TM4SF20: variants seen among roughly 807,000 people sequenced by gnomAD.
TM4SF20 encodes the protein transmembrane 4 L six family member 20.
TM4SF20 carries 13 observed loss-of-function variants against 15.1 expected under a neutral mutation model. The ratio of observed to expected loss-of-function variants is 0.86; its 90% CI spans 0.56 to 1.36. The LOEUF (loss-of-function observed/expected upper bound fraction) is 1.36. Ranked by LOEUF, TM4SF20 falls within the 40% of genes most tolerant of loss-of-function variation. The probability of loss-of-function intolerance (pLI) is 0.00; values close to 1 mark genes in which losing one functional copy is unlikely to be tolerated. For missense variants in TM4SF20, 282 were observed against 268.4 expected, an observed-to-expected ratio of 1.05 and a Z score of -0.35; for synonymous variants, 92 against 96.6, an observed-to-expected ratio of 0.95 and a Z score of 0.28.
At position 227,366,161 on chromosome 2, in the gene TM4SF20, T is replaced by A. The variant is rs763771185; in HGVS notation, c.333A>T (p.Lys111Asn). ...TTGGAGAATTACACATGAGAGGACCTTTTAAGAGAGCCTGGATGGATATCA... is the reference window on the plus strand; with the variant it reads ...TTGGAGAATTACACATGAGAGGACCATTTAAGAGAGCCTGGATGGATATCA... The part of the protein sequence containing the change: ...CMLISIQALL[K>N]GPLMCNSPSN... The change falls in exon 3 of 4, where the codon AAA (lysine) becomes AAT (asparagine). Residue 111 changes from lysine (K) to asparagine (N), a missense_variant. By Grantham distance (94) the Lys-to-Asn change is moderately conservative (BLOSUM62 0). Transcript: ENST00000304568. 26 of 1,613,758 alleles carry A rather than the reference T, an allele frequency of 1.6e-5. No homozygotes were observed. The South Asian group carries it at 2.0e-4, about 12-fold the overall frequency.
At chr2:227,368,065 C>T (rs1490250486) in intron 2 of TM4SF20, among the ~76,000 whole-genome samples, 1 of 145,640 alleles carries the variant, frequency 6.9e-6, no homozygotes, top group East Asian at 2.0e-4. Context: ...GCTGTGTCGC[C>T]CAGGCTGGAG....
chr2:227,381,358 A>C (rs192522483), upstream of TM4SF20, among the ~76,000 whole-genome samples: 11 of 152,212 alleles, frequency 7.2e-5, no homozygotes, highest in Admixed American at 7.2e-4. Flanking sequence ...CTGGGTTGAG[A>C]GACAGGAGAC....
intron 1 of TM4SF20, among the ~76,000 whole-genome samples, chr2:227,375,780 T>A (rs74501942): frequency 1.3e-5 from 2 of 151,976 alleles, no homozygotes; most frequent in Non-Finnish European, 2.9e-5. Flanking sequence ...TGAGCCACCG[T>A]GCCTGGCCAG....
chr2:227,362,934 C>G lies in TM4SF20; in HGVS notation c.*790G>C, dbSNP rs371474625. On this transcript the variant is annotated 3_prime_UTR_variant, in exon 4 of 4. Coordinates refer to ENST00000304568, the MANE Select transcript of TM4SF20 (RefSeq NM_024795.4). ...TTTAGCTGAAACATGCCTCTATTCT[C>G]TTAATCTATAACAGTTCCCTCAAAA... 1 of 152,160 alleles carries G rather than the reference C, an allele frequency of 6.6e-6. No homozygotes were observed. Among genetic ancestry groups the G allele is most frequent in the African/African-American group, 2.4e-5 (1 of 41,428 alleles). 9.4% of individuals were successfully genotyped at this position (152,160 alleles called of 1,614,324 possible). A position where few individuals can be genotyped will look rare whatever the true frequency, so the allele number is the denominator to read the frequency against.
intron 1 of TM4SF20, among the ~76,000 whole-genome samples, chr2:227,378,670 A>G (rs61129162): frequency 0.13 from 19,028 of 152,114 alleles, 1,258 homozygotes; most frequent in Middle Eastern, 0.17. Flanking sequence ...ATACATGGGA[A>G]TGTTTCTACT....
intron 1 of TM4SF20, among the ~76,000 whole-genome samples, chr2:227,377,414 A>C (rs1239829785): frequency 6.6e-6 from 1 of 152,240 alleles, no homozygotes; most frequent in African/African-American, 2.4e-5. Context: ...AGCCTGGAAG[A>C]GAGCATTCAT....
At chr2:227,377,547 G>T (rs1348939314) in intron 1 of TM4SF20, among the ~76,000 whole-genome samples, 1 of 152,158 alleles carries the variant, frequency 6.6e-6, no homozygotes, top group Non-Finnish European at 1.5e-5. Flanking sequence ...TAAATCTGGG[G>T]ATAATACCAG....
rs377150597 is a variant in TM4SF20 at position 227,379,135 on chromosome 2, A to G, written c.134T>C (p.Ile45Thr). ...TGGGAACCACCACTCAAAGCAAGAG[A>G]TGGGGTTTTGAGAAAATTGGTCTTC... ...VEEDQFSQNP[I>T]SCFEWWFPGI... Residue 45 changes from isoleucine (I) to threonine (T), a missense_variant, in exon 1 of 4, where the codon ATC (isoleucine) becomes ACC (threonine). Coordinates refer to ENST00000304568, the MANE Select transcript of TM4SF20 (RefSeq NM_024795.4). 1.1e-5 allele frequency: 18 copies of G among 1,614,038 alleles called. No homozygotes were observed. The highest frequency in any genetic ancestry group is 1.5e-5 in the Non-Finnish European group (18 of 1,180,050).
At chr2:227,379,861 A>G (rs1372812843), upstream of TM4SF20, among the ~76,000 whole-genome samples, 1 of 152,250 alleles carries the variant, frequency 6.6e-6, no homozygotes, top group Non-Finnish European at 1.5e-5. Context: ...CCAGACTGAA[A>G]GATAGCAATA....
chr2:227,368,337 A>T (rs541648043), intron 2 of TM4SF20, among the ~76,000 whole-genome samples: 65 of 122,986 alleles, frequency 5.3e-4, no homozygotes, highest in African/African-American at 2.0e-3. Context: ...TCTATTATTT[A>T]TATATATATA....
intron 1 of TM4SF20, among the ~76,000 whole-genome samples, chr2:227,378,413 T>C (rs1459152176): frequency 1.3e-5 from 2 of 152,222 alleles, no homozygotes; most frequent in Non-Finnish European, 2.9e-5. Flanking sequence ...GGGTGATTCA[T>C]GTCAGTTATA....
At chr2:227,366,931 A>G (rs1247931338) in intron 2 of TM4SF20, among the ~76,000 whole-genome samples, 1 of 151,922 alleles carries the variant, frequency 6.6e-6, no homozygotes, top group Non-Finnish European at 1.5e-5. Flanking sequence ...CTTGGCTCGC[A>G]AGCGTTTGGC....
At chr2:227,370,881 A>C (rs1222111904) in intron 2 of TM4SF20, 34 bp downstream of exon 2, 11 of 1,596,664 alleles carry the variant, frequency 6.9e-6, no homozygotes, top group Non-Finnish European at 8.6e-6. Context: ...CTGTTCATGC[A>C]CTTCTGCTTC....
At chr2:227,375,642 A>G (rs2076445440) in intron 1 of TM4SF20, among the ~76,000 whole-genome samples, 1 of 133,770 alleles carries the variant, frequency 7.5e-6, no homozygotes, top group Non-Finnish European at 1.7e-5. Flanking sequence ...GGAGCCCACC[A>G]CCAAGCCTGG....
In TM4SF20 at chr2:227,366,206, A is replaced by G; in HGVS notation, c.288T>C (p.Ile96=). The G allele has an allele frequency of 1.2e-6, 2 of 1,613,606 alleles. No homozygotes were observed. The highest frequency in any genetic ancestry group is 1.7e-6 in the Non-Finnish European group (2 of 1,179,864). ...ATATCAGCATGCAATACAGAGCACC[A>G]ATGACTGTGATCACACTGAAAAGTG... ...LSSLFSVITV[I]GALYCMLISI... Residue 96 remains isoleucine (I), a synonymous_variant, in exon 3 of 4, where the codon ATT becomes ATC. Coordinates refer to ENST00000304568, the MANE Select transcript of TM4SF20 (RefSeq NM_024795.4).
In TM4SF20 at chr2:227,370,951, T is replaced by C. The variant is rs1288568923; in HGVS notation, c.213A>G (p.Thr71=). 1.4e-5 allele frequency: 22 copies of C among 1,614,066 alleles called. 1 individual carries two copies. The South Asian group carries it at 2.4e-4, about 18-fold the overall frequency. The change falls in exon 2 of 4, where the codon ACA becomes ACG. Residue 71 remains threonine (T), a synonymous_variant. Transcript: ENST00000304568. The stretch of plus-strand genomic sequence containing the variant: ...TGTTGCAGCACGCTCTTTTTCTTGC[T>C]GTCAAGGACATTGTTGTTGCTGGAA... ...MAIPATTMSL[T]ARKRACCNNR...
chr2:227,381,091 A>G (rs2076477878), upstream of TM4SF20, among the ~76,000 whole-genome samples: 1 of 152,160 alleles, frequency 6.6e-6, no homozygotes, highest in South Asian at 2.1e-4. Context: ...CCTGGCCAAT[A>G]TGGCAAAACC....
intron 2 of TM4SF20, 141 bp from the exon 3 acceptor site, chr2:227,366,385 T>G: frequency 1.5e-6 from 1 of 684,998 alleles, no homozygotes; most frequent in Non-Finnish European, 2.4e-6. Flanking sequence ...TAGGTGTGAA[T>G]GATACAAAAA....
At chr2:227,366,319 C>T in intron 2 of TM4SF20, 75 bp from the exon 3 acceptor site, 1 of 1,343,070 alleles carries the variant, frequency 7.4e-7, no homozygotes, top group Non-Finnish European at 1.0e-6. Context: ...GGAGCGTATA[C>T]AGTCTTTTTT....
Sources: allele counts gnomAD v4.1 joint callset (sites outside exome capture counted in the v4.1 genomes callset), GRCh38; gene constraint gnomAD v4.1.1; transcripts MANE v1.5; gene names NCBI Gene and HGNC (gene_info 2026-07-23, HGNC 2026-07-21).